PI4KA: variants seen among roughly 807,000 people sequenced by gnomAD.
PI4KA encodes the protein phosphatidylinositol 4-kinase alpha.
A neutral mutation model predicts 271.4 loss-of-function variants in PI4KA; 122 were observed. That is an observed-to-expected ratio of 0.45 (90% CI 0.39 to 0.52). The LOEUF (loss-of-function observed/expected upper bound fraction) is 0.52. PI4KA is among the 20% of genes least tolerant of loss of function. The pLI is 0.00. For missense variants in PI4KA, 1,969 were observed against 2,769.1 expected, an observed-to-expected ratio of 0.71 and a Z score of 6.48; for synonymous variants, 1,041 against 1,078.8, an observed-to-expected ratio of 0.96 and a Z score of 0.69.
intron 1 of PI4KA, among the ~76,000 whole-genome samples, chr22:20,848,359 C>T (rs1926542050): frequency 6.6e-6 from 1 of 152,040 alleles, no homozygotes; most frequent in African/African-American, 2.4e-5. Context: ...CATGCTAACC[C>T]TAAAATTTCC....
intron 45 of PI4KA, among the ~76,000 whole-genome samples, chr22:20,717,145 C>T (rs1427391488): frequency 1.3e-5 from 2 of 152,130 alleles, no homozygotes; most frequent in Non-Finnish European, 2.9e-5. Flanking sequence ...ACTCGGGAGG[C>T]TGAGGCGACA....
chr22:20,739,374 A>C (rs964384947), intron 32 of PI4KA, among the ~76,000 whole-genome samples: 8 of 150,772 alleles, frequency 5.3e-5, no homozygotes, highest in Non-Finnish European at 1.0e-4. Context: ...CAACAAAAAA[A>C]GTCCCAGCTA....
intron 2 of PI4KA, among the ~76,000 whole-genome samples, chr22:20,836,316 T>C (rs993359049): frequency 6.6e-6 from 1 of 152,160 alleles, no homozygotes; most frequent in African/African-American, 2.4e-5. Flanking sequence ...AAGCACTAAG[T>C]CTGGGGGGAC....
chr22:20,728,460 A>C (rs56836387), intron 39 of PI4KA, among the ~76,000 whole-genome samples: 4,478 of 151,700 alleles, frequency 0.03, 88 homozygotes, highest in Middle Eastern at 0.061. Flanking sequence ...TTGTCTTAAA[A>C]CCCCTGCCTC....
In PI4KA at chr22:20,815,038, GAACCC is replaced by G. The variant is rs1921591336; in HGVS notation, c.857-1537_857-1533del. Among the ~76,000 whole-genome samples, 11 of 151,356 alleles carry G rather than the reference GAACCC, an allele frequency of 7.3e-5. No individual in the cohort carries two copies. The South Asian group carries it at 2.3e-3, about 32-fold the overall frequency. ...ATTAAAATAGAAATATAGTAAATAG[GAACCC>G]AAAAGCATATAATTGTTTGAAAATC... On this transcript the variant is annotated intron_variant, in intron 7 of 54. Transcript: ENST00000255882.
At chr22:20,819,927 AT>A in intron 5 of PI4KA, 27 bp from the exon 6 acceptor site, 1 of 1,598,364 alleles carries the variant, frequency 6.3e-7, no homozygotes, top group South Asian at 1.1e-5. Context: ...AAACGTTACA[AT>A]ATAAGAAAGT....
chr22:20,827,571 T>C (rs1474755339), intron 3 of PI4KA, among the ~76,000 whole-genome samples: 1 of 152,240 alleles, frequency 6.6e-6, no homozygotes, highest in Non-Finnish European at 1.5e-5. Flanking sequence ...AATAGTTTTT[T>C]TCTAATTCTG....
chr22:20,721,331 T>C lies in PI4KA; in HGVS notation c.5083A>G (p.Ile1695Val). 1.2e-6 allele frequency: 2 copies of C among 1,613,862 alleles called. No individual in the cohort carries two copies. Among genetic ancestry groups the C allele is most frequent in the Non-Finnish European group, 1.7e-6 (2 of 1,179,856 alleles). Reference protein sequence around the residue: ...HQFIWNMKTNIYLDEEGHQKD... With the variant: ...HQFIWNMKTNVYLDEEGHQKD... The stretch of plus-strand genomic sequence containing the variant: ...TGGTGGCCCTCTTCATCTAGATAAA[T>C]GTTAGTCTTCATGTTCCAGATGAAC... Residue 1695 changes from isoleucine (I) to valine (V), a missense_variant, in exon 43 of 55, where the codon ATT becomes GTT. Around this residue, in one of 13 missense-constraint regions of PI4KA, gnomAD observed 388 missense variants for 521.5 expected, o/e 0.74. Transcript: ENST00000255882.
intron 1 of PI4KA, among the ~76,000 whole-genome samples, chr22:20,848,155 T>A (rs1164400022): frequency 6.6e-6 from 1 of 150,946 alleles, no homozygotes; most frequent in Non-Finnish European, 1.5e-5. Context: ...GGAGAATTGC[T>A]TGAACCCAGG....
Position 20,765,585 on chromosome 22 carries a change from C to T in PI4KA, c.2437G>A (p.Gly813Arg), listed in dbSNP as rs1297561465. Residue 813 changes from glycine (G) to arginine (R), a missense_variant and splice_region_variant, in exon 20 of 55, where the codon GGA (glycine) becomes AGA (arginine). Around this residue, in one of 13 missense-constraint regions of PI4KA, gnomAD observed 368 missense variants for 544.3 expected, o/e 0.68. Coordinates refer to ENST00000255882, the MANE Select transcript of PI4KA (RefSeq NM_058004.4). ...VLMGFAVEGS[G>R]LWPEEWYEGV... ...ACTGGGAGAGAGATGATCCCCCTACCTGAGCCCTCCACAGCGAATCCCATC... is the reference window on the plus strand; with the variant it reads ...ACTGGGAGAGAGATGATCCCCCTACTTGAGCCCTCCACAGCGAATCCCATC... 2 of 1,584,520 alleles carry T rather than the reference C, an allele frequency of 1.3e-6. No individual in the cohort carries two copies. The highest frequency in any genetic ancestry group is 1.7e-5 in the Admixed American group (1 of 59,754).
rs765428288 is a variant in PI4KA at position 20,711,427 on chromosome 22, T to C, written c.5837A>G (p.Tyr1946Cys). 6 of 1,368,626 alleles carry C rather than the reference T, an allele frequency of 4.4e-6. No individual in the cohort carries two copies. In the South Asian group the frequency reaches 7.1e-5, roughly 16 times the overall value. The allele number at this position is 1,368,626 out of a possible 1,614,324, so 84.8% of individuals were successfully genotyped here. ...CTGCAGCAGGAACAGCAGGAGGCTG[T>C]AGGCGGCCATGCTTCGGATGAAGTT... ...RYNFIRSMAA[Y>C]SLLLFLLQIK... is the part of the protein sequence containing the mutation. The change falls in exon 51 of 55, where the codon TAC becomes TGC. Residue 1946 changes from tyrosine to cysteine, a missense_variant. By Grantham distance (194) the Tyr-to-Cys change is radical. Transcript: ENST00000255882.
intron 1 of PI4KA, among the ~76,000 whole-genome samples, chr22:20,839,475 T>G (rs1198749399): frequency 6.6e-6 from 1 of 152,186 alleles, no homozygotes; most frequent in Non-Finnish European, 1.5e-5. Flanking sequence ...TCCCCACCCC[T>G]TGACCACGAA....
At chr22:20,722,096 T>C (rs1926804463) in intron 42 of PI4KA, 1 of 152,280 alleles carries the variant, frequency 6.6e-6, no homozygotes, top group African/African-American at 2.4e-5. Flanking sequence ...CCTTCCACCA[T>C]GATTCTGTTT....
At chr22:20,740,061 C>CAAAAAAAAAA (rs59323542) in intron 32 of PI4KA, among the ~76,000 whole-genome samples, 1 of 73,372 alleles carries the variant, frequency 1.4e-5, no homozygotes, top group Non-Finnish European at 2.6e-5. Context: ...GACCCCATCT[C>CAAAAAAAAAA]AAAAAAAAAA....
chr22:20,762,507 C>T (rs771974389), intron 22 of PI4KA, among the ~76,000 whole-genome samples: 6 of 152,152 alleles, frequency 3.9e-5, no homozygotes, highest in Non-Finnish European at 5.9e-5. Context: ...CTATGGGCTG[C>T]GTCTTAGAGT....
chr22:20,747,686 T>C lies in PI4KA; in HGVS notation c.3260A>G (p.His1087Arg). 6.2e-7 allele frequency: 1 copy of C among 1,613,298 alleles called. No individual in the cohort carries two copies. Among genetic ancestry groups the C allele is most frequent in the Non-Finnish European group, 8.5e-7 (1 of 1,179,402 alleles). Residue 1087 changes from histidine (H) to arginine (R), a missense_variant, in exon 29 of 55, where the codon CAT (histidine) becomes CGT (arginine). By Grantham distance (29) the His-to-Arg change is conservative. Coordinates refer to ENST00000255882, the MANE Select transcript of PI4KA (RefSeq NM_058004.4). ...GGACAGTCCCGATACCCAGTTCTGA[T>C]GTTTGTTCAGATATTCCTGAAATAG... ...KSHLQEYLNK[H>R]QNWVSGLSQH...
chr22:20,732,886 C>T (rs1928242893), intron 36 of PI4KA, 85 bp downstream of exon 36: 1 of 1,545,756 alleles, frequency 6.5e-7, no homozygotes, highest in South Asian at 1.1e-5. Context: ...TTTTCCGTCC[C>T]TACCTCTGGC....
At chr22:20,799,035 C>A in intron 16 of PI4KA, 58 bp downstream of exon 16, 1 of 1,409,116 alleles carries the variant, frequency 7.1e-7, no homozygotes, top group South Asian at 1.3e-5. Context: ...CCCTTATAGT[C>A]AAGAGTTTAA....
intron 19 of PI4KA, among the ~76,000 whole-genome samples, 170 bp from the exon 20 acceptor site, chr22:20,765,863 A>C (rs1425332745): frequency 1.3e-5 from 2 of 152,210 alleles, no homozygotes; most frequent in African/African-American, 4.8e-5. Context: ...AGCATTGTCC[A>C]TCCACTCATT....
Sources: gnomAD v4.1 joint callset for allele counts (sites outside exome capture counted in the v4.1 genomes callset) on GRCh38, gnomAD v4.1.1 for gene constraint, gnomAD v4.1.1 regional missense constraint, MANE v1.5 for transcripts, NCBI Gene and HGNC (gene_info 2026-07-23, HGNC 2026-07-21) for gene names.